Variants in HIP1 observed in about 807,000 individuals in gnomAD.
HIP1 encodes huntingtin interacting protein 1.
HIP1 carries 65 observed loss-of-function variants against 147.6 expected under a neutral mutation model. The observed-to-expected ratio is 0.44, with a 90% confidence interval of 0.36 to 0.54. The LOEUF is 0.54. HIP1 is among the 20% of genes least tolerant of loss of function. The probability of loss-of-function intolerance (pLI) is 0.00; values close to 1 mark genes in which losing one functional copy is unlikely to be tolerated. For synonymous variants in HIP1, 479 were observed against 504.0 expected (o/e 0.95, Z 0.67); for missense variants, 1,061 against 1,299.6 (o/e 0.82, Z 2.82).
At chr7:75,665,782 C>G (rs1192168185) in intron 1 of HIP1, among the ~76,000 whole-genome samples, 1 of 152,102 alleles carries the variant, frequency 6.6e-6, no homozygotes, top group East Asian at 1.9e-4. Context: ...CTCAAGTGAT[C>G]CGCCTGCTTC....
intron 1 of HIP1, among the ~76,000 whole-genome samples, chr7:75,650,002 G>A (rs1210621677): frequency 6.6e-6 from 1 of 152,132 alleles, no homozygotes; most frequent in Non-Finnish European, 1.5e-5. Context: ...GTGACTTCAA[G>A]CGTGGCTGAG....
chr7:75,645,985 G>A (rs569385826), intron 1 of HIP1, among the ~76,000 whole-genome samples: 21 of 152,294 alleles, frequency 1.4e-4, no homozygotes, highest in African/African-American at 5.1e-4. Context: ...TGGGTACTGT[G>A]CTCACTATCC....
chr7:75,684,426 C>G (rs1269401027), intron 1 of HIP1, among the ~76,000 whole-genome samples: 3 of 104,012 alleles, frequency 2.9e-5, no homozygotes, highest in Admixed American at 1.4e-4. Flanking sequence ...CCAGCCTGAG[C>G]AACAGAACAA....
In HIP1 at chr7:75,553,471, C is replaced by A; in HGVS notation, c.2277G>T (p.Lys759Asn). 1 of 1,614,144 alleles carries A rather than the reference C, an allele frequency of 6.2e-7. No homozygotes were observed. The highest frequency in any genetic ancestry group is 8.5e-7 in the Non-Finnish European group (1 of 1,180,018). ...DSTAMRNCLS[K>N]IKAIGEELLP... is the part of the protein sequence containing the mutation. The stretch of plus-strand genomic sequence containing the variant: ...CAAGTACCTCGCCGATGGCCTTGAT[C>A]TTGCTCAGGCAGTTCCTCATGGCTG... The change falls in exon 22 of 31, where the codon AAG becomes AAT. Residue 759 changes from lysine (K) to asparagine (N), a missense_variant. Lys to Asn is a moderately conservative substitution (Grantham distance 94). Transcript: ENST00000336926.
chr7:75,535,656 G>C lies in HIP1; in HGVS notation c.*2516C>G, dbSNP rs1168619170. 1 of 181,974 alleles carries C rather than the reference G, an allele frequency of 5.5e-6. No individual in the cohort carries two copies. The highest frequency in any genetic ancestry group is 2.4e-5 in the African/African-American group (1 of 42,426). 11.3% of individuals were successfully genotyped at this position (181,974 alleles called of 1,614,324 possible). A position where few individuals can be genotyped will look rare whatever the true frequency, so the allele number is the denominator to read the frequency against. On this transcript the variant is annotated 3_prime_UTR_variant, in exon 31 of 31. Transcript: ENST00000336926. ...ATTACAGGCATGCGCCACTGTGCCC[G>C]GCTGGGCAGAGAATCTTAATTTGAT...
intron 7 of HIP1, among the ~76,000 whole-genome samples, chr7:75,577,023 A>G (rs1002102760): frequency 8.5e-5 from 13 of 152,276 alleles, no homozygotes; most frequent in African/African-American, 3.1e-4. Flanking sequence ...GACAGTGCAC[A>G]CTGCGGGTGC....
At chr7:75,544,398 CCTAGCCAAGTACTCTCT>C (rs1794457793) in intron 27 of HIP1, among the ~76,000 whole-genome samples, 2 of 29,356 alleles carry the variant, frequency 6.8e-5, no homozygotes, top group South Asian at 2.3e-3. Context: ...TACCATCTAA[CCTAGCCAAGTACTCTCT>C]AACCTAGCCA....
intron 8 of HIP1, among the ~76,000 whole-genome samples, chr7:75,572,783 C>T (rs894420090): frequency 6.6e-6 from 1 of 152,226 alleles, no homozygotes; most frequent in Admixed American, 6.5e-5. Flanking sequence ...CAAAACACAG[C>T]TGCAGACTTG....
At chr7:75,656,433 G>GGA (rs1554512655) in intron 1 of HIP1, among the ~76,000 whole-genome samples, 3 of 134,182 alleles carry the variant, frequency 2.2e-5, no homozygotes, top group African/African-American at 8.0e-5. Context: ...TATAAACTTA[G>GGA]AAAAAAAAAA....
intron 1 of HIP1, among the ~76,000 whole-genome samples, chr7:75,708,559 T>C (rs1461236607): frequency 3.3e-5 from 5 of 152,176 alleles, no homozygotes; most frequent in Non-Finnish European, 7.4e-5. Flanking sequence ...AAATTCATTC[T>C]CTTGCATGTG....
chr7:75,702,984 T>C (rs556728062), intron 1 of HIP1, among the ~76,000 whole-genome samples: 71 of 152,260 alleles, frequency 4.7e-4, no homozygotes, highest in Admixed American at 2.3e-3. Context: ...AACATAAGGT[T>C]TGAAGGAGGT....
chr7:75,544,402 G>A (rs1484805528), intron 27 of HIP1, among the ~76,000 whole-genome samples: 590 of 30,050 alleles, frequency 0.02, 3 homozygotes, highest in African/African-American at 0.092. Context: ...ATCTAACCTA[G>A]CCAAGTACTC....
chr7:75,563,395 G>C, intron 9 of HIP1, 132 bp from the exon 10 acceptor site: 1 of 692,594 alleles, frequency 1.4e-6, no homozygotes. Context: ...TAAACTCCAT[G>C]GTGCTGGGAT....
chr7:75,578,564 GC>G (rs1249029650), intron 7 of HIP1, among the ~76,000 whole-genome samples: 11 of 152,148 alleles, frequency 7.2e-5, no homozygotes, highest in African/African-American at 9.7e-5. Context: ...CGTAGTCCCA[GC>G]TACTTGGGAG....
intron 22 of HIP1, among the ~76,000 whole-genome samples, chr7:75,551,851 T>C (rs1794797608): frequency 6.6e-6 from 1 of 152,158 alleles, no homozygotes; most frequent in South Asian, 2.1e-4. Flanking sequence ...ATTATCTTCT[T>C]CTGGAACTCC....
chr7:75,689,806 A>C (rs10269607), intron 1 of HIP1, among the ~76,000 whole-genome samples: 1,641 of 152,172 alleles, frequency 0.011, 27 homozygotes, highest in African/African-American at 0.038. Flanking sequence ...CTGTGGGACG[A>C]GGGATGTCAA....
intron 1 of HIP1, 106 bp downstream of exon 1, chr7:75,738,695 C>T: frequency 7.5e-7 from 1 of 1,338,218 alleles, no homozygotes; most frequent in South Asian, 1.3e-5. Flanking sequence ...CACCCTCGCC[C>T]CGTCTTCAAC....
At chr7:75,555,344 T>C in intron 19 of HIP1, 72 bp downstream of exon 19, 1 of 1,551,790 alleles carries the variant, frequency 6.4e-7, no homozygotes, top group Non-Finnish European at 8.9e-7. Context: ...AAGTCTCACA[T>C]GAGATTCAAC....
At position 75,718,003 on chromosome 7, in the gene HIP1, C is replaced by A. The variant is rs1197937999; in HGVS notation, c.120+20798G>T. Among the ~76,000 whole-genome samples the A allele has an allele frequency of 5.3e-5, 8 of 151,344 alleles. No homozygotes were observed. The East Asian group carries it at 1.6e-3, about 29-fold the overall frequency. Reference sequence around the variant, plus strand: ...AAAAAAAAAAAAGAATTAGCTGGGGCCAGTCATGATGGCTCACACCTGTAA... The same window carrying A: ...AAAAAAAAAAAAGAATTAGCTGGGGACAGTCATGATGGCTCACACCTGTAA... On this transcript the variant is annotated intron_variant, in intron 1 of 30. Coordinates refer to ENST00000336926, the MANE Select transcript of HIP1 (RefSeq NM_005338.7).
Sources: gnomAD v4.1 joint callset for allele counts (sites outside exome capture counted in the v4.1 genomes callset) on GRCh38, gnomAD v4.1.1 for gene constraint, MANE v1.5 for transcripts, NCBI Gene and HGNC (gene_info 2026-07-23, HGNC 2026-07-21) for gene names.